CAPN8: variants seen among roughly 807,000 people sequenced by gnomAD.
The protein encoded by CAPN8 is calpain 8.
A neutral mutation model predicts 80.9 loss-of-function variants in CAPN8; 87 were observed. The observed-to-expected ratio is 1.07, with a 90% confidence interval of 0.90 to 1.28. The LOEUF (loss-of-function observed/expected upper bound fraction) is 1.28. Ranked by LOEUF, CAPN8 falls within the 50% of genes most tolerant of loss-of-function variation. The pLI, the probability that CAPN8 is intolerant of heterozygous loss-of-function variation, is 0.00. For synonymous variants in CAPN8, 299 were observed against 273.8 expected, an observed-to-expected ratio of 1.09 and a Z score of -0.91; for missense variants, 757 against 702.0, an observed-to-expected ratio of 1.08 and a Z score of -0.89.
chr1:223,615,451 G>A (rs937128080), intron 10 of CAPN8, among the ~76,000 whole-genome samples: 1 of 152,230 alleles, frequency 6.6e-6, no homozygotes, highest in African/African-American at 2.4e-5. Context: ...AGAGACAGCT[G>A]TATTCCAGAG....
chr1:223,618,387 A>G (rs1657267259), intron 9 of CAPN8: 10 of 1,443,168 alleles, frequency 6.9e-6, no homozygotes, highest in South Asian at 6.2e-5. Context: ...GCACCATACT[A>G]TCTCCACCAG....
At chr1:223,650,095 G>A (rs1480346308) in intron 2 of CAPN8, among the ~76,000 whole-genome samples, 1 of 152,078 alleles carries the variant, frequency 6.6e-6, no homozygotes, top group Non-Finnish European at 1.5e-5. Context: ...GGTAGATCAA[G>A]AGAGAGAGAG....
In CAPN8 at chr1:223,618,221, G is replaced by T. The variant is rs533746715; in HGVS notation, c.1135+1072C>A. ...TTCTTCATTTCTCCTTAGAGATGTG[G>T]GGCTGTCTTCCTGAGTTTCTTCATC... On this transcript the variant is annotated intron_variant, in intron 9 of 20. Coordinates refer to ENST00000366872, the MANE Select transcript of CAPN8 (RefSeq NM_001143962.2). 72 of 1,550,410 alleles carry T rather than the reference G, an allele frequency of 4.6e-5. No individual in the cohort carries two copies. In the South Asian group the frequency reaches 8.1e-4, roughly 17 times the overall value.
rs141048202 is a variant in CAPN8 at position 223,545,432 on chromosome 1, G to T, written c.1765-133C>A. The T allele has an allele frequency of 6.3e-4, 860 of 1,358,104 alleles. 10 individuals are homozygous for T. In the African/African-American group the frequency reaches 0.011, roughly 18 times the overall value. The allele number at this position is 1,358,104 out of a possible 1,614,324, so 84.1% of individuals were successfully genotyped here. ...ATGTCTGTGGCAAGCAGAGCAGTGG[G>T]GGTGACGGTGTGTAACAGGTTCAAA... is the stretch of plus-strand genomic sequence containing the variant. On this transcript the variant is annotated intron_variant, in intron 16 of 20. Coordinates refer to ENST00000366872, the MANE Select transcript of CAPN8 (RefSeq NM_001143962.2).
chr1:223,626,842 T>A (rs1657595910), intron 5 of CAPN8, 147 bp downstream of exon 5: 1 of 765,086 alleles, frequency 1.3e-6, no homozygotes, highest in East Asian at 2.7e-5. Flanking sequence ...TTCAGGCCTT[T>A]GTGTCACTAG....
intron 7 of CAPN8, among the ~76,000 whole-genome samples, chr1:223,620,917 G>A (rs1657369308): frequency 6.6e-6 from 1 of 151,054 alleles, no homozygotes; most frequent in African/African-American, 2.4e-5. Context: ...AGGTTTTCCT[G>A]AAATATGTAT....
intron 2 of CAPN8, among the ~76,000 whole-genome samples, chr1:223,635,249 A>G (rs1388410073): frequency 6.6e-6 from 1 of 152,238 alleles, no homozygotes; most frequent in Non-Finnish European, 1.5e-5. Flanking sequence ...AAGCAGTCAC[A>G]GAGCCTCCCT....
At chr1:223,650,422 G>A (rs1211412913) in intron 2 of CAPN8, among the ~76,000 whole-genome samples, 1 of 152,228 alleles carries the variant, frequency 6.6e-6, no homozygotes, top group Non-Finnish European at 1.5e-5. Context: ...GGCTGTGGCT[G>A]CAGTAACTGG....
At position 223,552,462 on chromosome 1, in the gene CAPN8, G is replaced by C. The variant is rs964756869; in HGVS notation, c.1641+1370C>G. Among the ~76,000 whole-genome samples the C allele has an allele frequency of 2.0e-5, 3 of 151,254 alleles. No individual in the cohort carries two copies. In the South Asian group the frequency reaches 6.3e-4, roughly 32 times the overall value. The stretch of plus-strand genomic sequence containing the variant: ...ATCTGCAGTCCCAGCTACTCGGGAG[G>C]CTGAGGCACGAGAATCGCTTGAACC... On this transcript the variant is annotated intron_variant, in intron 14 of 20. Transcript: ENST00000366872.
At chr1:223,615,441 A>G (rs1657140580) in intron 10 of CAPN8, among the ~76,000 whole-genome samples, 1 of 152,248 alleles carries the variant, frequency 6.6e-6, no homozygotes, top group African/African-American at 2.4e-5. Flanking sequence ...GCGTGAGCCC[A>G]GAGACAGCTG....
intron 2 of CAPN8, 26 bp downstream of exon 2, chr1:223,654,304 A>G: frequency 6.5e-7 from 1 of 1,550,368 alleles, no homozygotes. Context: ...CTCCCAAAAC[A>G]AATAAGACTC....
Position 223,641,366 on chromosome 1 carries a change from T to TA in CAPN8, c.308-12587dup, listed in dbSNP as rs1553338765. On this transcript the variant is annotated intron_variant, in intron 2 of 20. Coordinates refer to ENST00000366872, the MANE Select transcript of CAPN8 (RefSeq NM_001143962.2). ...GTAAGATACTGATCAAGCCTTTTTT[T>TA]AAAAAAAAAAAAACTGTTTACTAAG... 3.9e-3 allele frequency among the ~76,000 whole-genome samples: 566 copies of TA among 146,144 alleles called. 3 individuals are homozygous for TA. Among genetic ancestry groups the TA allele is most frequent in the African/African-American group, 0.011 (434 of 40,168 alleles).
intron 2 of CAPN8, among the ~76,000 whole-genome samples, chr1:223,640,381 C>T (rs1658013278): frequency 6.6e-6 from 1 of 152,168 alleles, no homozygotes; most frequent in Non-Finnish European, 1.5e-5. Context: ...TGAGCGTCTA[C>T]TGCCTATAGG....
intron 1 of CAPN8, among the ~76,000 whole-genome samples, chr1:223,656,931 G>T (rs897991153): frequency 2.0e-5 from 3 of 151,902 alleles, no homozygotes; most frequent in Non-Finnish European, 4.4e-5. Flanking sequence ...TGATCCGCCC[G>T]CCTCGGCCTC....
At chr1:223,654,298 C>T in intron 2 of CAPN8, 32 bp downstream of exon 2, 1 of 1,548,256 alleles carries the variant, frequency 6.5e-7, no homozygotes, top group Non-Finnish European at 8.7e-7. Context: ...CGCCCTCTCC[C>T]AAAACAAATA....
intron 2 of CAPN8, among the ~76,000 whole-genome samples, chr1:223,639,349 T>C (rs1443146845): frequency 1.3e-5 from 2 of 152,226 alleles, no homozygotes; most frequent in Non-Finnish European, 2.9e-5. Flanking sequence ...GGCTCAGCCC[T>C]TCACCCTCCA....
chr1:223,548,508 C>A (rs1056936523), intron 16 of CAPN8, among the ~76,000 whole-genome samples: 1 of 152,166 alleles, frequency 6.6e-6, no homozygotes, highest in African/African-American at 2.4e-5. Flanking sequence ...GTAATTAGGT[C>A]ATGAGGGTGG....
chr1:223,638,716 G>A (rs10737421), intron 2 of CAPN8, among the ~76,000 whole-genome samples: 151,266 of 152,272 alleles, frequency 0.99, 75,142 homozygotes, highest in East Asian at 1. Context: ...ACATAGAACC[G>A]AAGGAAATAA....
At chr1:223,618,931 T>C (rs1284102446) in intron 9 of CAPN8, among the ~76,000 whole-genome samples, 9 of 152,212 alleles carry the variant, frequency 5.9e-5, no homozygotes, top group Admixed American at 2.0e-4. Flanking sequence ...GGCTCACAAC[T>C]GTAATCCCAG....
Sources: gnomAD v4.1 joint callset for allele counts (sites outside exome capture counted in the v4.1 genomes callset) on GRCh38, gnomAD v4.1.1 for gene constraint, MANE v1.5 for transcripts, NCBI Gene and HGNC (gene_info 2026-07-23, HGNC 2026-07-21) for gene names.